NDUFA9: variants seen among roughly 807,000 people sequenced by gnomAD.
The protein encoded by NDUFA9 is NADH dehydrogenase [ubiquinone] 1 alpha subcomplex subunit 9, mitochondrial.
A neutral mutation model predicts 45.9 loss-of-function variants in NDUFA9; 23 were observed. The ratio of observed to expected loss-of-function variants is 0.50; its 90% CI spans 0.36 to 0.71. The LOEUF (loss-of-function observed/expected upper bound fraction) is 0.71, where lower values mean the gene tolerates loss of function less well. Ranked by LOEUF, NDUFA9 falls within the 30% of genes least tolerant of loss-of-function variation. NDUFA9 has a pLI of 0.00. For missense variants in NDUFA9, 466 were observed against 488.2 expected, an observed-to-expected ratio of 0.95 and a Z score of 0.43; for synonymous variants, 176 against 170.5, an observed-to-expected ratio of 1.03 and a Z score of -0.25.
Position 4,649,131 on chromosome 12 carries a change from C to T in NDUFA9, c.5C>T (p.Ala2Val), listed in dbSNP as rs755567083. Reference sequence around the variant, plus strand: ...CGTGGGGGATTGTGGGAAAAGATGGCGGCTGCCGCACAATCCCGGGTTGTC... The same window carrying T: ...CGTGGGGGATTGTGGGAAAAGATGGTGGCTGCCGCACAATCCCGGGTTGTC... M[A>V]AAAQSRVVRV... The change falls in exon 1 of 11, where the codon GCG (alanine) becomes GTG (valine). Residue 2 changes from alanine to valine, a missense_variant. Physicochemically the swap from Ala to Val is moderately conservative, Grantham distance 64 (BLOSUM62 0). Coordinates refer to ENST00000266544, the MANE Select transcript of NDUFA9 (RefSeq NM_005002.5). The T allele has an allele frequency of 6.2e-7, 1 of 1,603,568 alleles. No individual in the cohort carries two copies. Among genetic ancestry groups the T allele is most frequent in the Non-Finnish European group, 8.5e-7 (1 of 1,175,394 alleles).
At chr12:4,662,736 T>C in intron 6 of NDUFA9, 101 bp downstream of exon 6, 1 of 917,092 alleles carries the variant, frequency 1.1e-6, no homozygotes, top group Non-Finnish European at 1.7e-6. Flanking sequence ...TAAGGATATA[T>C]TTTTTCTTTC....
At chr12:4,650,087 C>T (rs1945748160) in intron 1 of NDUFA9, among the ~76,000 whole-genome samples, 1 of 152,152 alleles carries the variant, frequency 6.6e-6, no homozygotes, top group African/African-American at 2.4e-5. Context: ...CAGAATCACT[C>T]GTAAAGCTTT....
At chr12:4,682,138 A>G in intron 8 of NDUFA9, 67 bp from the exon 9 acceptor site, 1 of 1,207,118 alleles carries the variant, frequency 8.3e-7, no homozygotes, top group South Asian at 1.4e-5. Context: ...GGAAAATGTT[A>G]TTTTGTTATA....
At chr12:4,653,942 A>C (rs1945774205) in intron 1 of NDUFA9, among the ~76,000 whole-genome samples, 1 of 151,858 alleles carries the variant, frequency 6.6e-6, no homozygotes, top group African/African-American at 2.4e-5. Context: ...TTATCCAGGA[A>C]TACTTCCTCA....
intron 3 of NDUFA9, 53 bp from the exon 4 acceptor site, chr12:4,657,695 G>T (rs370820397): frequency 8.7e-5 from 115 of 1,317,374 alleles, no homozygotes; most frequent in East Asian, 3.7e-4. Flanking sequence ...CAGAAGTGTT[G>T]AGTGCTGAGG....
chr12:4,661,365 G>A (rs1047695611), intron 5 of NDUFA9, among the ~76,000 whole-genome samples: 3 of 152,134 alleles, frequency 2.0e-5, no homozygotes, highest in Admixed American at 6.5e-5. Flanking sequence ...TTGTCTCATG[G>A]GAAAGTAAGT....
chr12:4,649,899 C>G (rs796579155), intron 1 of NDUFA9, among the ~76,000 whole-genome samples: 1 of 152,216 alleles, frequency 6.6e-6, no homozygotes, highest in Admixed American at 6.5e-5. Flanking sequence ...TGAAAACATA[C>G]ATTTGTCCTT....
Position 4,657,817 on chromosome 12 carries a change from A to C in NDUFA9, c.388A>C (p.Ile130Leu). 1 of 1,613,412 alleles carries C rather than the reference A, an allele frequency of 6.2e-7. No individual in the cohort carries two copies. The highest frequency in any genetic ancestry group is 8.5e-7 in the Non-Finnish European group (1 of 1,179,382). ...VQHSNVVINL[I>L]GRDWETKNFD... is the part of the protein sequence containing the mutation. ...ACACAGCAATGTGGTCATCAATCTT[A>C]TTGGACGAGACTGGGAAACCAAGTA... The change falls in exon 4 of 11, where the codon ATT (isoleucine) becomes CTT (leucine). Residue 130 changes from isoleucine to leucine, a missense_variant. Coordinates refer to ENST00000266544, the MANE Select transcript of NDUFA9 (RefSeq NM_005002.5).
intron 10 of NDUFA9, 101 bp from the exon 11 acceptor site, chr12:4,686,837 A>G: frequency 2.7e-6 from 3 of 1,126,886 alleles, no homozygotes; most frequent in Non-Finnish European, 3.7e-6. Context: ...AAGTCTCAAT[A>G]ATAGGACTCA....
chr12:4,682,362 A>T (rs1313563211), intron 9 of NDUFA9, 62 bp downstream of exon 9: 7 of 1,268,036 alleles, frequency 5.5e-6, no homozygotes, highest in Non-Finnish European at 8.0e-6. Flanking sequence ...CTTGTTCCTA[A>T]TGTTCTCCCT....
Position 4,668,498 on chromosome 12 carries a change from T to C in NDUFA9, c.697T>C (p.Trp233Arg), listed in dbSNP as rs146434380. Residue 233 changes from tryptophan to arginine, a missense_variant, in exon 7 of 11, where the codon TGG becomes CGG. Physicochemically the swap from Trp to Arg is moderately radical, Grantham distance 101. Transcript: ENST00000266544. ...FGPIPLGSLG[W>R]KTVKQPVYVV... ...TCCTATACCCCTTGGTTCCTTGGGCTGGAAGACAGTTAAACAACCAGTATA... is the reference window on the plus strand; with the variant it reads ...TCCTATACCCCTTGGTTCCTTGGGCCGGAAGACAGTTAAACAACCAGTATA... 6.8e-6 allele frequency: 11 copies of C among 1,613,490 alleles called. No homozygotes were observed. The African/African-American group carries it at 1.3e-4, about 20-fold the overall frequency.
chr12:4,651,103 G>T (rs1830509554), intron 1 of NDUFA9, among the ~76,000 whole-genome samples: 1 of 152,102 alleles, frequency 6.6e-6, no homozygotes, highest in Admixed American at 6.5e-5. Flanking sequence ...TTTATAATGT[G>T]TATATCATAT....
intron 5 of NDUFA9, among the ~76,000 whole-genome samples, chr12:4,661,984 A>T (rs1474909040): frequency 6.6e-6 from 1 of 152,122 alleles, no homozygotes; most frequent in Non-Finnish European, 1.5e-5. Flanking sequence ...GTGGTGGTGG[A>T]AGTAGAAAGG....
chr12:4,679,200 C>G (rs7302268), intron 8 of NDUFA9, among the ~76,000 whole-genome samples: 41,048 of 152,014 alleles, frequency 0.27, 5,842 homozygotes, highest in Middle Eastern at 0.33. Context: ...TATGAAGTAT[C>G]TATAAAAGGC....
intron 6 of NDUFA9, among the ~76,000 whole-genome samples, chr12:4,665,483 A>G (rs1360995833): frequency 6.6e-6 from 1 of 152,252 alleles, no homozygotes; most frequent in Non-Finnish European, 1.5e-5. Context: ...TAAGCCATCC[A>G]TCAATGGATA....
intron 5 of NDUFA9, among the ~76,000 whole-genome samples, 186 bp downstream of exon 5, chr12:4,659,363 G>T (rs1402026028): frequency 6.6e-6 from 1 of 152,120 alleles, no homozygotes; most frequent in African/African-American, 2.4e-5. Flanking sequence ...CCTTCTGTTT[G>T]CAGGGAACTG....
chr12:4,676,248 T>C (rs1454449186), intron 8 of NDUFA9, among the ~76,000 whole-genome samples: 1 of 152,242 alleles, frequency 6.6e-6, no homozygotes, highest in Non-Finnish European at 1.5e-5. Flanking sequence ...GGATGCCCTC[T>C]GTCACCACTC....
intron 9 of NDUFA9, among the ~76,000 whole-genome samples, chr12:4,683,529 G>A (rs145251204): frequency 1.3e-5 from 2 of 152,296 alleles, no homozygotes; most frequent in East Asian, 3.9e-4. Flanking sequence ...TCTAACAGGG[G>A]TACCAGAAAA....
Position 4,675,035 on chromosome 12 carries a change from T to C in NDUFA9, c.800+5218T>C, listed in dbSNP as rs1007540723. Among the ~76,000 whole-genome samples the C allele has an allele frequency of 4.6e-5, 7 of 152,246 alleles. No homozygotes were observed. In the South Asian group the frequency reaches 1.5e-3, roughly 32 times the overall value. ...ACTCACTCAAAACTGCACAACTACA[T>C]GGAAACTGAACAACCTGCTCCTGAA... On this transcript the variant is annotated intron_variant, in intron 8 of 10. Transcript: ENST00000266544.
Sources: gnomAD v4.1 joint callset for allele counts (sites outside exome capture counted in the v4.1 genomes callset) on GRCh38, gnomAD v4.1.1 for gene constraint, MANE v1.5 for transcripts, NCBI Gene and HGNC (gene_info 2026-07-23, HGNC 2026-07-21) for gene names.